RAPGEF2: variants seen among roughly 807,000 people sequenced by gnomAD.
RAPGEF2 encodes the protein PDZ domain containing guanine nucleotide exchange factor (GEF) 1.
A neutral mutation model predicts 186.7 loss-of-function variants in RAPGEF2; 54 were observed. The observed-to-expected ratio is 0.29, with a 90% CI of 0.23 to 0.36. The LOEUF is 0.36. Ranked by LOEUF, RAPGEF2 falls within the 10% of genes least tolerant of loss-of-function variation. The pLI is 1.00. For missense variants in RAPGEF2, 1,532 were observed against 2,045.0 expected (o/e 0.75, Z 4.84); for synonymous variants, 712 against 705.9 (o/e 1.01, Z -0.14).
chr4:159,189,954 T>C (rs1246451362), intron 2 of RAPGEF2, among the ~76,000 whole-genome samples: 1 of 152,186 alleles, frequency 6.6e-6, no homozygotes, highest in African/African-American at 2.4e-5. Context: ...GCAGAAAAGA[T>C]TGATATTTGG....
At chr4:159,136,097 T>C (rs566720507) in intron 1 of RAPGEF2, among the ~76,000 whole-genome samples, 1 of 152,366 alleles carries the variant, frequency 6.6e-6, no homozygotes, top group East Asian at 1.9e-4. Flanking sequence ...TTTCCACTAA[T>C]GTTTTCTTTT....
chr4:159,146,629 A>T (rs1466940771), intron 1 of RAPGEF2, among the ~76,000 whole-genome samples: 1 of 152,236 alleles, frequency 6.6e-6, no homozygotes, highest in African/African-American at 2.4e-5. Flanking sequence ...ATATGTAATA[A>T]TAGTAGCATG....
In RAPGEF2 at chr4:159,351,041, T is replaced by C. The variant is rs747225492; in HGVS notation, c.3865+752T>C. The C allele has an allele frequency of 3.9e-6, 6 of 1,526,312 alleles. No homozygotes were observed. The East Asian group carries it at 9.8e-5, about 25-fold the overall frequency. The allele number at this position is 1,526,312 out of a possible 1,614,324, so 94.5% of individuals were successfully genotyped here. On this transcript the variant is annotated intron_variant, in intron 26 of 29. Coordinates refer to ENST00000691494, the MANE Select transcript of RAPGEF2 (RefSeq NM_001394067.2). ...GTTACATGGATGCATCTCAATTCTT[T>C]TCTCATCCTGTTGTTAGGTGGCAGT...
At chr4:159,258,745 C>T (rs1288105024) in intron 7 of RAPGEF2, among the ~76,000 whole-genome samples, 1 of 152,122 alleles carries the variant, frequency 6.6e-6, no homozygotes, top group Non-Finnish European at 1.5e-5. Context: ...TAATACAGGT[C>T]TCAGCAATAC....
intron 25 of RAPGEF2, among the ~76,000 whole-genome samples, chr4:159,348,269 TGG>T (rs1380373328): frequency 1.4e-4 from 21 of 151,366 alleles, no homozygotes; most frequent in Non-Finnish European, 2.1e-4. Context: ...GATGGATGGA[TGG>T]ATGGATGGAT....
intron 25 of RAPGEF2, among the ~76,000 whole-genome samples, chr4:159,348,149 G>C (rs1296482946): frequency 6.6e-6 from 1 of 152,052 alleles, no homozygotes; most frequent in Non-Finnish European, 1.5e-5. Flanking sequence ...TCAACCTGGG[G>C]GGTGGAAATT....
At chr4:159,292,385 A>G (rs570994083) in intron 7 of RAPGEF2, among the ~76,000 whole-genome samples, 6 of 152,256 alleles carry the variant, frequency 3.9e-5, no homozygotes, top group Non-Finnish European at 7.4e-5. Context: ...CATTCCATTC[A>G]TATCTTGTAC....
chr4:159,192,045 T>A (rs1748178838), intron 2 of RAPGEF2, among the ~76,000 whole-genome samples: 1 of 152,150 alleles, frequency 6.6e-6, no homozygotes, highest in Non-Finnish European at 1.5e-5. Context: ...AACCCTTCTA[T>A]TCCAACAGGA....
chr4:159,347,093 TA>T, intron 25 of RAPGEF2, 95 bp downstream of exon 25: 1 of 1,171,236 alleles, frequency 8.5e-7, no homozygotes, highest in Non-Finnish European at 1.2e-6. Context: ...CTTTGTCTAA[TA>T]TATTTGAGTT....
chr4:159,246,848 C>A (rs1185191653), intron 7 of RAPGEF2, among the ~76,000 whole-genome samples: 1 of 152,070 alleles, frequency 6.6e-6, no homozygotes, highest in East Asian at 1.9e-4. Flanking sequence ...TTGGGTAATA[C>A]ATCAATAACT....
intron 25 of RAPGEF2, among the ~76,000 whole-genome samples, chr4:159,349,706 C>A (rs1730896645): frequency 6.6e-6 from 1 of 152,174 alleles, no homozygotes; most frequent in African/African-American, 2.4e-5. Context: ...CTTGAGCTAC[C>A]CCTTTCCAAG....
intron 7 of RAPGEF2, among the ~76,000 whole-genome samples, chr4:159,291,851 G>C (rs546249940): frequency 5.9e-5 from 9 of 151,678 alleles, no homozygotes; most frequent in Admixed American, 5.9e-4. Context: ...AAGTTATGTG[G>C]AATTACTGTT....
intron 7 of RAPGEF2, among the ~76,000 whole-genome samples, chr4:159,265,941 C>T (rs1161376641): frequency 6.6e-6 from 1 of 152,142 alleles, no homozygotes; most frequent in African/African-American, 2.4e-5. Flanking sequence ...ATAACAGGAT[C>T]ACTATGGTTC....
chr4:159,236,793 G>C (rs911660199), intron 4 of RAPGEF2, among the ~76,000 whole-genome samples: 1 of 152,122 alleles, frequency 6.6e-6, no homozygotes, highest in Non-Finnish European at 1.5e-5. Flanking sequence ...TGGAATTTCA[G>C]TTGTATTTAA....
intron 1 of RAPGEF2, among the ~76,000 whole-genome samples, chr4:159,179,336 A>G (rs1419739657): frequency 1.4e-5 from 1 of 73,508 alleles, no homozygotes; most frequent in Non-Finnish European, 3.6e-5. Context: ...AAATTGAGAC[A>G]CTCTAGGTAA....
At chr4:159,313,411 G>A (rs568450318) in intron 8 of RAPGEF2, among the ~76,000 whole-genome samples, 6 of 152,068 alleles carry the variant, frequency 3.9e-5, no homozygotes, top group South Asian at 2.1e-4. Flanking sequence ...GTTAATAATG[G>A]CTTTTACTTT....
At chr4:159,263,139 G>A (rs1757059294) in intron 7 of RAPGEF2, among the ~76,000 whole-genome samples, 1 of 152,128 alleles carries the variant, frequency 6.6e-6, no homozygotes, top group Non-Finnish European at 1.5e-5. Flanking sequence ...TGGGTGGGGT[G>A]TGTCAAGGAC....
At chr4:159,338,523 C>A in intron 18 of RAPGEF2, 55 bp downstream of exon 18, 1 of 1,462,976 alleles carries the variant, frequency 6.8e-7, no homozygotes, top group Non-Finnish European at 9.4e-7. Flanking sequence ...TTATTTCTAA[C>A]ATAATGGTCA....
chr4:159,352,753 C>G lies in RAPGEF2; in HGVS notation c.3934C>G (p.Arg1312Gly). 6.2e-7 allele frequency: 1 copy of G among 1,614,180 alleles called. No homozygotes were observed. The highest frequency in any genetic ancestry group is 8.5e-7 in the Non-Finnish European group (1 of 1,180,032). ...TTCTGGTCACAGTGAAATTTCTTCA[C>G]GATCCAGTATTGTTAGCAATTCGTC... ...SDSGHSEISS[R>G]SSIVSNSSFD... The change falls in exon 27 of 30, where the codon CGA becomes GGA. Residue 1312 changes from arginine to glycine, a missense_variant. Physicochemically the swap from Arg to Gly is moderately radical, Grantham distance 125 (BLOSUM62 -2). This residue lies in a region of RAPGEF2 where 594 missense variants were observed against 608.5 expected (regional missense o/e 0.98). Coordinates refer to ENST00000691494, the MANE Select transcript of RAPGEF2 (RefSeq NM_001394067.2).
Sources: gnomAD v4.1 joint callset for allele counts (sites outside exome capture counted in the v4.1 genomes callset) on GRCh38, gnomAD v4.1.1 for gene constraint, gnomAD v4.1.1 regional missense constraint, MANE v1.5 for transcripts, NCBI Gene and HGNC (gene_info 2026-07-23, HGNC 2026-07-21) for gene names.